DSCAML1: variants seen among roughly 807,000 people sequenced by gnomAD.
DSCAML1 encodes the protein DS cell adhesion molecule like 1.
A neutral mutation model predicts 200.5 loss-of-function variants in DSCAML1; 38 were observed. That is an observed-to-expected ratio of 0.19 (90% CI 0.15 to 0.25). DSCAML1 has a LOEUF of 0.25. Ranked by LOEUF, DSCAML1 falls within the 10% of genes least tolerant of loss-of-function variation. The pLI is 1.00. For synonymous variants in DSCAML1, 1,215 were observed against 1,165.0 expected, an observed-to-expected ratio of 1.04 and a Z score of -0.87; for missense variants, 2,223 against 2,858.8, an observed-to-expected ratio of 0.78 and a Z score of 5.07.
chr11:117,511,447 C>G (rs1041567551), intron 8 of DSCAML1, among the ~76,000 whole-genome samples: 19 of 152,304 alleles, frequency 1.2e-4, no homozygotes, highest in African/African-American at 4.6e-4. Flanking sequence ...CCTGCATGCC[C>G]AGAGATGCTT....
At chr11:117,634,209 G>A (rs1472863418) in intron 3 of DSCAML1, among the ~76,000 whole-genome samples, 1 of 152,166 alleles carries the variant, frequency 6.6e-6, no homozygotes, top group Non-Finnish European at 1.5e-5. Flanking sequence ...GGAGGTGTAG[G>A]AGAGTGTGGA....
chr11:117,575,089 G>A (rs978513070), intron 3 of DSCAML1, among the ~76,000 whole-genome samples: 2 of 152,242 alleles, frequency 1.3e-5, no homozygotes, highest in African/African-American at 4.8e-5. Context: ...TACTCGGGAG[G>A]TTGAGGAAGG....
chr11:117,663,553 C>T (rs181318083), intron 3 of DSCAML1, among the ~76,000 whole-genome samples: 3 of 152,184 alleles, frequency 2.0e-5, no homozygotes, highest in Admixed American at 6.5e-5. Flanking sequence ...TCTCCCACTG[C>T]CACTGGAAGG....
At position 117,456,927 on chromosome 11, in the gene DSCAML1, G is replaced by A. The variant is rs146136150; in HGVS notation, c.3568+1827C>T. 4.7e-4 allele frequency among the ~76,000 whole-genome samples: 71 copies of A among 152,210 alleles called. No homozygotes were observed. The East Asian group carries it at 9.7e-3, about 21-fold the overall frequency. ...TGACCTTAGGTGATCCACCCACCTC[G>A]GCATCCCAAAGTGCTGGGATTACAG... On this transcript the variant is annotated intron_variant, in intron 19 of 32. Transcript: ENST00000651296.
At chr11:117,702,722 C>G (rs1160783146) in intron 3 of DSCAML1, among the ~76,000 whole-genome samples, 1 of 152,166 alleles carries the variant, frequency 6.6e-6, no homozygotes, top group Non-Finnish European at 1.5e-5. Flanking sequence ...GTGAATCAAA[C>G]AGTATTTGCC....
intron 23 of DSCAML1, 27 bp downstream of exon 23, chr11:117,439,239 G>A: frequency 3.7e-6 from 6 of 1,612,256 alleles, no homozygotes; most frequent in African/African-American, 1.3e-5. Context: ...GTCCCCACCT[G>A]GGGTCACCTG....
intron 1 of DSCAML1, among the ~76,000 whole-genome samples, chr11:117,788,579 G>A (rs1391156735): frequency 6.6e-5 from 10 of 152,082 alleles, no homozygotes; most frequent in Non-Finnish European, 1.3e-4. Flanking sequence ...CGCCTGCCTC[G>A]GCCTCCCAAA....
intron 1 of DSCAML1, among the ~76,000 whole-genome samples, chr11:117,793,283 T>A (rs1027319962): frequency 6.6e-6 from 1 of 152,086 alleles, no homozygotes; most frequent in Non-Finnish European, 1.5e-5. Context: ...GAGAAAGTGC[T>A]TCAGGAACTA....
intron 3 of DSCAML1, among the ~76,000 whole-genome samples, chr11:117,595,873 G>T (rs1231292387): frequency 6.6e-6 from 1 of 152,210 alleles, no homozygotes; most frequent in Admixed American, 6.5e-5. Context: ...GGGATAGGAG[G>T]CAGGTGTGGA....
chr11:117,480,398 G>C lies in DSCAML1; in HGVS notation c.2785+45C>G. 1 of 1,609,196 alleles carries C rather than the reference G, an allele frequency of 6.2e-7. No individual in the cohort carries two copies. Among genetic ancestry groups the C allele is most frequent in the Non-Finnish European group, 8.5e-7 (1 of 1,177,844 alleles). On this transcript the variant is annotated intron_variant, in intron 14 of 32. Coordinates refer to ENST00000651296, the MANE Select transcript of DSCAML1 (RefSeq NM_020693.4). This position sits in a 1 kb window ranked among gnomAD's most constrained non-coding sequence, Gnocchi z 4.1. ...GCACAGGCAGGACACGTGGCACAAG[G>C]GGCCATGGCAGGCCACGCTGTCACC...
chr11:117,565,398 A>T (rs1471683562), intron 3 of DSCAML1, among the ~76,000 whole-genome samples: 2 of 152,210 alleles, frequency 1.3e-5, no homozygotes, highest in Non-Finnish European at 2.9e-5. Context: ...CTATTGATCT[A>T]TATCTAACAC....
chr11:117,675,206 T>C (rs1047074210), intron 3 of DSCAML1, among the ~76,000 whole-genome samples: 3 of 152,238 alleles, frequency 2.0e-5, no homozygotes, highest in African/African-American at 7.2e-5. Context: ...TACTCAGGGA[T>C]AGTCTATTTC....
At chr11:117,765,097 G>A (rs2054870989) in intron 3 of DSCAML1, among the ~76,000 whole-genome samples, 1 of 152,208 alleles carries the variant, frequency 6.6e-6, no homozygotes, top group African/African-American at 2.4e-5. Flanking sequence ...ACTGCTCTGA[G>A]CCAAAGGTGA....
intron 3 of DSCAML1, among the ~76,000 whole-genome samples, chr11:117,564,685 C>T (rs2050723335): frequency 6.6e-6 from 1 of 151,186 alleles, no homozygotes; most frequent in Non-Finnish European, 1.5e-5. Flanking sequence ...TCCTTCCTTC[C>T]TTCCTATCCT....
At chr11:117,720,691 C>T (rs554352722) in intron 3 of DSCAML1, among the ~76,000 whole-genome samples, 93 of 152,340 alleles carry the variant, frequency 6.1e-4, no homozygotes, top group Middle Eastern at 3.4e-3. Context: ...CTCTGGCTCT[C>T]TTGCCATTTG....
intron 3 of DSCAML1, among the ~76,000 whole-genome samples, chr11:117,771,533 T>C (rs2055039592): frequency 6.6e-6 from 1 of 152,110 alleles, no homozygotes; most frequent in Non-Finnish European, 1.5e-5. Flanking sequence ...AGATTTCTGT[T>C]CCCAGGCAAG....
intron 1 of DSCAML1, among the ~76,000 whole-genome samples, chr11:117,793,501 C>T (rs1001973509): frequency 5.3e-5 from 8 of 152,152 alleles, no homozygotes; most frequent in African/African-American, 1.9e-4. Flanking sequence ...AAGGATGTGT[C>T]TTCTCTAAGA....
chr11:117,578,516 A>G (rs775809034), intron 3 of DSCAML1, among the ~76,000 whole-genome samples: 5 of 151,986 alleles, frequency 3.3e-5, no homozygotes, highest in African/African-American at 1.2e-4. Context: ...AAAAATTTTT[A>G]AAAATTAGCC....
chr11:117,794,325 C>T (rs372093688), intron 1 of DSCAML1, among the ~76,000 whole-genome samples: 1 of 152,120 alleles, frequency 6.6e-6, no homozygotes, highest in African/African-American at 2.4e-5. Context: ...GGGGTTCATC[C>T]GGCTGCCTAA....
Sources: gnomAD v4.1 joint callset for allele counts (sites outside exome capture counted in the v4.1 genomes callset) on GRCh38, gnomAD v4.1.1 for gene constraint, Gnocchi (gnomAD v3.1) non-coding constraint, MANE v1.5 for transcripts, NCBI Gene and HGNC (gene_info 2026-07-23, HGNC 2026-07-21) for gene names.